AP1G1: variants seen among roughly 807,000 people sequenced by gnomAD.
AP1G1 encodes adaptor related protein complex 1 subunit gamma 1.
In AP1G1, 7 loss-of-function variants were observed where a neutral mutation model predicts 108.3. The ratio of observed to expected loss-of-function variants is 0.06; its 90% confidence interval spans 0.04 to 0.12. The LOEUF (loss-of-function observed/expected upper bound fraction) is 0.12, where lower values mean the gene tolerates loss of function less well. AP1G1 is among the 10% of genes least tolerant of loss of function. The pLI, the probability that AP1G1 is intolerant of heterozygous loss-of-function variation, is 1.00. For synonymous variants in AP1G1, 379 were observed against 353.5 expected (o/e 1.07, Z -0.81); for missense variants, 756 against 1,010.7 (o/e 0.75, Z 3.42).
rs370584224 is a variant in AP1G1, at chr16:71,774,595, G to A, written c.202-3C>T. 4.1e-5 allele frequency: 63 copies of A among 1,529,716 alleles called. No homozygotes were observed. Among genetic ancestry groups the A allele is most frequent in the Non-Finnish European group, 5.2e-5 (59 of 1,143,090 alleles). The allele number at this position is 1,529,716 out of a possible 1,614,324, so 94.8% of individuals were successfully genotyped here. ...GCAATAAGCTTGAGGCACTCCAACT[G>A]CAAAAAAAGAAAAAAAAAAAGAAGG... On this transcript the variant is annotated splice_region_variant and splice_polypyrimidine_tract_variant and intron_variant, in intron 2 of 22. Transcript: ENST00000299980.
chr16:71,804,766 C>G (rs999045771), intron 1 of AP1G1, among the ~76,000 whole-genome samples: 3 of 152,072 alleles, frequency 2.0e-5, no homozygotes, highest in African/African-American at 7.2e-5. Context: ...CCTTTAATAC[C>G]AGCACTTTGG....
intron 2 of AP1G1, among the ~76,000 whole-genome samples, chr16:71,776,807 T>C (rs1241248807): frequency 2.0e-5 from 3 of 151,966 alleles, no homozygotes; most frequent in Non-Finnish European, 4.4e-5. Flanking sequence ...CATTTCTTAT[T>C]AAACTATACA....
intron 1 of AP1G1, among the ~76,000 whole-genome samples, chr16:71,801,750 G>A (rs1292558218): frequency 6.6e-6 from 1 of 152,002 alleles, no homozygotes; most frequent in East Asian, 1.9e-4. Flanking sequence ...GTGAAAGCCC[G>A]TCTCTACTGA....
intron 7 of AP1G1, among the ~76,000 whole-genome samples, 175 bp downstream of exon 7, chr16:71,765,314 A>G (rs1425683905): frequency 6.6e-6 from 1 of 152,246 alleles, no homozygotes; most frequent in Non-Finnish European, 1.5e-5. Context: ...GTGACAGAGC[A>G]AGACCTGTAA....
chr16:71,796,514 T>A (rs1023544416), intron 1 of AP1G1, among the ~76,000 whole-genome samples: 3 of 152,188 alleles, frequency 2.0e-5, no homozygotes, highest in African/African-American at 7.2e-5. Context: ...GAGAAAAGCA[T>A]ATCCCCCCCT....
At chr16:71,768,697 C>CCT (rs1263748415) in intron 6 of AP1G1, among the ~76,000 whole-genome samples, 20 of 146,542 alleles carry the variant, frequency 1.4e-4, no homozygotes, top group East Asian at 1.0e-3. Flanking sequence ...GGGTGGATCA[C>CCT]GAGGTCAGGA....
At chr16:71,742,137 T>A (rs1463808979) in intron 19 of AP1G1, 1 of 152,166 alleles carries the variant, frequency 6.6e-6, no homozygotes. Context: ...TAACATTTTA[T>A]CATTTTGCTT....
intron 1 of AP1G1, among the ~76,000 whole-genome samples, chr16:71,801,573 C>T (rs937366974): frequency 6.6e-6 from 1 of 152,048 alleles, no homozygotes; most frequent in African/African-American, 2.4e-5. Flanking sequence ...ATCCCTAATC[C>T]AAAATCTGAA....
chr16:71,732,691 A>T lies in AP1G1; in HGVS notation c.*367T>A, dbSNP rs2045486024. Reference sequence around the variant, plus strand: ...GAAGGGGCAACTCTTTGCTGCAGAGACAAAGTGAGTGTTTTTTCGCCATGG... The same window carrying T: ...GAAGGGGCAACTCTTTGCTGCAGAGTCAAAGTGAGTGTTTTTTCGCCATGG... On this transcript the variant is annotated 3_prime_UTR_variant, in exon 23 of 23. Coordinates refer to ENST00000299980, the MANE Select transcript of AP1G1 (RefSeq NM_001128.6). 1 of 180,220 alleles carries T rather than the reference A, an allele frequency of 5.5e-6. No homozygotes were observed. 11.2% of individuals were successfully genotyped at this position (180,220 alleles called of 1,614,324 possible).
chr16:71,798,411 G>C (rs574622150), intron 1 of AP1G1, among the ~76,000 whole-genome samples: 1 of 152,154 alleles, frequency 6.6e-6, no homozygotes, highest in East Asian at 2.0e-4. Flanking sequence ...TTGTTAGCTA[G>C]GATGATCTCA....
intron 2 of AP1G1, among the ~76,000 whole-genome samples, chr16:71,778,748 GAAAGAT>G (rs1260191745): frequency 6.7e-6 from 1 of 149,494 alleles, no homozygotes; most frequent in African/African-American, 2.5e-5. Context: ...TGTTGAAAAA[GAAAGAT>G]AAAGGTTTGG....
At chr16:71,761,423 C>G (rs2031079170) in intron 10 of AP1G1, 89 bp downstream of exon 10, 2 of 931,132 alleles carry the variant, frequency 2.1e-6, no homozygotes, top group African/African-American at 1.7e-5. Context: ...AAATATGTGA[C>G]TTAATACATG....
chr16:71,795,696 T>C (rs1432290371), intron 1 of AP1G1, among the ~76,000 whole-genome samples: 1 of 152,216 alleles, frequency 6.6e-6, no homozygotes, highest in Non-Finnish European at 1.5e-5. Context: ...AATCAACTGA[T>C]TGTATTATGC....
intron 13 of AP1G1, chr16:71,751,471 GA>G (rs538905227): frequency 0.16 from 16,098 of 100,744 alleles, 948 homozygotes; most frequent in Non-Finnish European, 0.2. Context: ...GGAAAAAAAA[GA>G]AAAAAAAAAA....
chr16:71,758,193 A>G (rs1479010455), intron 11 of AP1G1, among the ~76,000 whole-genome samples: 2 of 152,222 alleles, frequency 1.3e-5, no homozygotes, highest in African/African-American at 4.8e-5. Context: ...TGAACATACA[A>G]CCAAAAGTTC....
At chr16:71,734,573 T>G (rs751619474) in intron 22 of AP1G1, 36 bp downstream of exon 22, 1 of 1,497,852 alleles carries the variant, frequency 6.7e-7, no homozygotes, top group Non-Finnish European at 9.3e-7. Context: ...ATGCTTACAC[T>G]TCGGCTCAGA....
chr16:71,766,481 T>A (rs12930206), intron 6 of AP1G1: 154,225 of 458,362 alleles, frequency 0.34, 30,529 homozygotes, highest in East Asian at 0.76. Flanking sequence ...AAACAAAAGG[T>A]TTGCCACAAT....
rs1273667431 is a variant in AP1G1, at chr16:71,756,209, G to A, written c.1089-50C>T. The A allele has an allele frequency of 2.6e-6, 4 of 1,564,776 alleles. No individual in the cohort carries two copies. In the African/African-American group the frequency reaches 5.5e-5, roughly 21 times the overall value. ...CAGTTAAGAAATTTATAGTGGAAAT[G>A]AAACAAAGACCCAGGTATGCACTCT... On this transcript the variant is annotated intron_variant, in intron 11 of 22. Coordinates refer to ENST00000299980, the MANE Select transcript of AP1G1 (RefSeq NM_001128.6).
At chr16:71,783,318 T>A (rs371333182) in intron 2 of AP1G1, among the ~76,000 whole-genome samples, 1 of 152,154 alleles carries the variant, frequency 6.6e-6, no homozygotes, top group South Asian at 2.1e-4. Flanking sequence ...ATTGACTACA[T>A]GGAAACAATG....
Sources: gnomAD v4.1 joint callset for allele counts (sites outside exome capture counted in the v4.1 genomes callset) on GRCh38, gnomAD v4.1.1 for gene constraint, MANE v1.5 for transcripts, NCBI Gene and HGNC (gene_info 2026-07-23, HGNC 2026-07-21) for gene names.